Variants in GMPPA observed in about 807,000 individuals in gnomAD.
GMPPA encodes mannose-1-phosphate guanylyltransferase regulatory subunit alpha.
A neutral mutation model predicts 58.6 loss-of-function variants in GMPPA; 46 were observed. That is an observed-to-expected ratio of 0.78 (90% CI 0.62 to 1.00). GMPPA has a LOEUF of 1.00. Among genes scored for constraint, GMPPA ranks in the 50% least tolerant of loss-of-function variants. The pLI, the probability that GMPPA is intolerant of heterozygous loss-of-function variation, is 0.00. For missense variants in GMPPA, 468 were observed against 556.4 expected (o/e 0.84, Z 1.60); for synonymous variants, 211 against 214.9 (o/e 0.98, Z 0.16).
intron 10 of GMPPA, 84 bp downstream of exon 10, chr2:219,505,845 C>T (rs1214054426): frequency 3.1e-5 from 38 of 1,220,324 alleles, no homozygotes; most frequent in Admixed American, 4.0e-5. Flanking sequence ...TTCTGGGTGC[C>T]GGTTTCTTCA....
intron 12 of GMPPA, 131 bp downstream of exon 12, chr2:219,506,553 G>A: frequency 1.9e-6 from 2 of 1,060,564 alleles, no homozygotes; most frequent in Non-Finnish European, 2.8e-6. Flanking sequence ...CCTGCTGTGT[G>A]CCAGGCCCTG....
chr2:219,499,663 G>A, intron 1 of GMPPA: 1 of 435,250 alleles, frequency 2.3e-6, no homozygotes, highest in Non-Finnish European at 4.2e-6. Flanking sequence ...TGAGATGTGT[G>A]GGATTTGTGA....
At chr2:219,504,873 G>C (rs1694521329) in intron 7 of GMPPA, 3 of 1,110,704 alleles carry the variant, frequency 2.7e-6, no homozygotes, top group Non-Finnish European at 3.3e-6. Flanking sequence ...TCTGGGGTGA[G>C]TCTGTCTGTG....
At chr2:219,503,760 G>A (rs892698239) in intron 6 of GMPPA, among the ~76,000 whole-genome samples, 6 of 152,198 alleles carry the variant, frequency 3.9e-5, no homozygotes, top group Non-Finnish European at 8.8e-5. Context: ...TTGGAAAGGT[G>A]GGCTTTCCAG....
Position 219,501,559 on chromosome 2 carries a change from G to A in GMPPA, c.222G>A (p.Gln74=). 1 of 1,610,190 alleles carries A rather than the reference G, an allele frequency of 6.2e-7. No individual in the cohort carries two copies. The highest frequency in any genetic ancestry group is 8.5e-7 in the Non-Finnish European group (1 of 1,176,352). The change falls in exon 4 of 13, where the codon CAG becomes CAA. Residue 74 remains glutamine, a synonymous_variant. Coordinates refer to ENST00000313597, the MANE Select transcript of GMPPA (RefSeq NM_013335.4). Reference sequence around the variant, plus strand: ...CCCAGTTCCTAGAAGCCGCCCAGCAGGAGTTTAACCTTCCAGTCAGGTGTT... The same window carrying A: ...CCCAGTTCCTAGAAGCCGCCCAGCAAGAGTTTAACCTTCCAGTCAGGTGTT... ...PLTQFLEAAQ[Q]EFNLPVRYLQ...
chr2:219,504,872 AGTCT>A (rs2125638304), intron 7 of GMPPA: 1 of 1,099,356 alleles, frequency 9.1e-7, no homozygotes, highest in Non-Finnish European at 1.1e-6. Flanking sequence ...CTCTGGGGTG[AGTCT>A]GTCTGTGTTT....
chr2:219,504,223 G>A lies in GMPPA; in HGVS notation c.620+10G>A, dbSNP rs757168792. 1 of 1,613,198 alleles carries A rather than the reference G, an allele frequency of 6.2e-7. No individual in the cohort carries two copies. Among genetic ancestry groups the A allele is most frequent in the Non-Finnish European group, 8.5e-7 (1 of 1,179,424 alleles). ...AGCAGGATGGGCAATTGTGAGGCAG[G>A]CCCCATAGCCCTGTGACCCCAAGTA... On this transcript the variant is annotated intron_variant, in intron 7 of 12. Transcript: ENST00000313597.
chr2:219,501,832 C>T lies in GMPPA; in HGVS notation c.243-19C>T. On this transcript the variant is annotated intron_variant, in intron 4 of 12. Transcript: ENST00000313597. ...TTTCCTAAGATCCACTGAGCTGGCTCTCGGGTCCCTGGGGACAGGTACCTG... is the reference window on the plus strand; with the variant it reads ...TTTCCTAAGATCCACTGAGCTGGCTTTCGGGTCCCTGGGGACAGGTACCTG... The T allele has an allele frequency of 1.9e-6, 3 of 1,612,160 alleles. No individual in the cohort carries two copies. The highest frequency in any genetic ancestry group is 1.1e-5 in the South Asian group (1 of 91,014).
intron 6 of GMPPA, among the ~76,000 whole-genome samples, chr2:219,503,619 A>C (rs1004258989): frequency 6.6e-6 from 1 of 152,238 alleles, no homozygotes; most frequent in Non-Finnish European, 1.5e-5. Flanking sequence ...GACAGAATCA[A>C]AAGGCAACCT....
rs1337006148 is a variant in GMPPA, at chr2:219,505,514, A to C, written c.812A>C (p.Glu271Ala). ...AGCCGATACCAGGACACTCACCCAG[A>C]ACGGCTGGCCAAGCACACCCCAGGG... The part of the protein sequence containing the change: ...YLSRYQDTHP[E>A]RLAKHTPGGP... The change falls in exon 9 of 13, where the codon GAA becomes GCA. Residue 271 changes from glutamate (E) to alanine (A), a missense_variant. Coordinates refer to ENST00000313597, the MANE Select transcript of GMPPA (RefSeq NM_013335.4). 1 of 1,574,500 alleles carries C rather than the reference A, an allele frequency of 6.4e-7. No individual in the cohort carries two copies. Among genetic ancestry groups the C allele is most frequent in the South Asian group, 1.2e-5 (1 of 86,388 alleles).
In GMPPA at chr2:219,502,009, G is replaced by A. The variant is rs780869528; in HGVS notation, c.401G>A (p.Arg134His). The change falls in exon 5 of 13, where the codon CGT becomes CAT. Residue 134 changes from arginine (R) to histidine (H), a missense_variant. Coordinates refer to ENST00000313597, the MANE Select transcript of GMPPA (RefSeq NM_013335.4). This position sits in a 1 kb window ranked among gnomAD's most constrained non-coding sequence, Gnocchi z 4.0. The part of the protein sequence containing the change: ...SAMLEAHRRQ[R>H]HPFLLLGTTA... ...ATGTTGGAAGCCCACCGACGCCAGC[G>A]TCACCCTTTCTTACTCCTTGGCACT... 13 of 1,614,104 alleles carry A rather than the reference G, an allele frequency of 8.1e-6. No individual in the cohort carries two copies. The highest frequency in any genetic ancestry group is 3.3e-5 in the South Asian group (3 of 91,092).
rs1200049529 is a variant in GMPPA at position 219,506,390 on chromosome 2, A to G, written c.1130A>G (p.Asp377Gly). 2 of 1,613,308 alleles carry G rather than the reference A, an allele frequency of 1.2e-6. No homozygotes were observed. Among genetic ancestry groups the G allele is most frequent in the Non-Finnish European group, 1.7e-6 (2 of 1,179,892 alleles). Residue 377 changes from aspartate (D) to glycine (G), a missense_variant, in exon 12 of 13, where the codon GAC (aspartate) becomes GGC (glycine). By Grantham distance (94) the Asp-to-Gly change is moderately conservative. Transcript: ENST00000313597. Reference protein sequence around the residue: ...ARMDSESLFKDGKLLPAITIL... With the variant: ...ARMDSESLFKGGKLLPAITIL... ...ATGGACAGTGAGAGCCTCTTCAAGG[A>G]CGGGAAGCTGCTGCCTGCTATCACC...
In GMPPA at chr2:219,502,677, G is replaced by A. The variant is rs1694443157; in HGVS notation, c.489+236G>A. Among the ~76,000 whole-genome samples, 1 of 152,116 alleles carries A rather than the reference G, an allele frequency of 6.6e-6. No individual in the cohort carries two copies. The highest frequency in any genetic ancestry group is 2.4e-5 in the African/African-American group (1 of 41,420). ...TAAATGTATGCACAGTGCATGATGG[G>A]AACACCAAGGGGGCCCCAACCCAGC... On this transcript the variant is annotated intron_variant, in intron 6 of 12. Coordinates refer to ENST00000313597, the MANE Select transcript of GMPPA (RefSeq NM_013335.4). The surrounding 1 kb of genome is among the most constrained non-coding windows in gnomAD (Gnocchi z 4.0).
intron 7 of GMPPA, 199 bp downstream of exon 7, chr2:219,504,412 T>G: frequency 1.7e-6 from 1 of 591,910 alleles, no homozygotes; most frequent in Non-Finnish European, 3.0e-6. Flanking sequence ...CCATCCCAGT[T>G]CCTCCTCTGT....
rs781419973 is a variant in GMPPA at position 219,506,070 on chromosome 2, C to T, written c.991C>T (p.Gln331Ter). 4.4e-6 allele frequency: 7 copies of T among 1,576,224 alleles called. No homozygotes were observed. The highest frequency in any genetic ancestry group is 6.1e-6 in the Non-Finnish European group (7 of 1,154,246). Residue 331 changes from glutamine to a stop codon, truncating the protein, a stop_gained and splice_region_variant, in exon 11 of 13, where the codon CAG (glutamine) becomes TAG (stop). Transcript: ENST00000313597. LOFTEE classifies it high-confidence loss of function. ...CATCGTCCTCCATGGAGCCACTTTG[C>T]AGGTAGGTACCAGCATACACAGCAG... is the stretch of plus-strand genomic sequence containing the variant. ...ESIVLHGATL[Q>*]EHTCVLHSIV...
chr2:219,500,243 C>T (rs1267707876), intron 3 of GMPPA, 25 bp downstream of exon 3: 6 of 1,218,296 alleles, frequency 4.9e-6, no homozygotes, highest in Non-Finnish European at 7.1e-6. Context: ...TCCCCTCTCT[C>T]ACCTCACTTC....
rs1192737963 is a variant in GMPPA at position 219,506,863 on chromosome 2, G to A, written c.*65G>A. On this transcript the variant is annotated 3_prime_UTR_variant, in exon 13 of 13. Transcript: ENST00000313597. ...CTTGAGGCTGCTGCCTGCTTGGCCA[G>A]CCTCTGTCCAGAAAGGACCAGAGAA... is the stretch of plus-strand genomic sequence containing the variant. The A allele has an allele frequency of 1.4e-5, 11 of 807,664 alleles. No individual in the cohort carries two copies. Among genetic ancestry groups the A allele is most frequent in the Non-Finnish European group, 2.4e-5 (11 of 457,792 alleles). The allele number at this position is 807,664 out of a possible 1,614,324, so 50.0% of individuals were successfully genotyped here.
chr2:219,500,013 A>G lies in GMPPA; in HGVS notation c.38A>G (p.Lys13Arg). 6.2e-7 allele frequency: 1 copy of G among 1,613,260 alleles called. No homozygotes were observed. The highest frequency in any genetic ancestry group is 8.5e-7 in the Non-Finnish European group (1 of 1,179,296). ...KAVILIGGPQKGTRFRPLSFE... is the reference protein window; with the variant it reads ...KAVILIGGPQRGTRFRPLSFE... ...GTGATCCTGATTGGAGGCCCTCAAA[A>G]GGGTGAGGTGCCAGGGGAATGGGGG... Residue 13 changes from lysine to arginine, a missense_variant and splice_region_variant, in exon 2 of 13, where the codon AAG (lysine) becomes AGG (arginine). Coordinates refer to ENST00000313597, the MANE Select transcript of GMPPA (RefSeq NM_013335.4).
chr2:219,505,078 C>CT, intron 7 of GMPPA, 150 bp from the exon 8 acceptor site: 8 of 941,794 alleles, frequency 8.5e-6, no homozygotes, highest in South Asian at 1.8e-5. Context: ...ATGTGAGCAG[C>CT]CACATCCCAG....
Sources: gnomAD v4.1 joint callset for allele counts (sites outside exome capture counted in the v4.1 genomes callset) on GRCh38, gnomAD v4.1.1 for gene constraint, Gnocchi (gnomAD v3.1) non-coding constraint, MANE v1.5 for transcripts, NCBI Gene and HGNC (gene_info 2026-07-23, HGNC 2026-07-21) for gene names.